The following BRIP1 variants were observed in gnomAD, a reference collection of about 807,000 sequenced individuals.
BRIP1 encodes BRCA1 interacting DNA helicase 1.
In BRIP1, 88 loss-of-function variants were observed where a neutral mutation model predicts 119.7. The observed-to-expected ratio is 0.74, with a 90% CI of 0.62 to 0.88. The LOEUF is 0.88. BRIP1 is among the 40% of genes least tolerant of loss of function. The probability of loss-of-function intolerance (pLI) is 0.00; values close to 1 mark genes in which losing one functional copy is unlikely to be tolerated. For missense variants in BRIP1, 1,259 were observed against 1,455.4 expected, an observed-to-expected ratio of 0.87 and a Z score of 2.20; for synonymous variants, 443 against 496.5, an observed-to-expected ratio of 0.89 and a Z score of 1.43.
In BRIP1 at chr17:61,742,783, G is replaced by C. The variant is rs76111733; in HGVS notation, c.2379+230C>G. On this transcript the variant is annotated intron_variant, in intron 16 of 19. Transcript: ENST00000259008. This position sits in a 1 kb window ranked among gnomAD's most constrained non-coding sequence, Gnocchi z 4.7. ...CCTAACAGTATAATAATAATGAAAA[G>C]GTTTGAAATATCGTGAGAATTAACC... 0.033 allele frequency among the ~76,000 whole-genome samples: 5,025 copies of C among 152,134 alleles called. 321 individuals are homozygous for C. The highest frequency in any genetic ancestry group is 0.11 in the African/African-American group (4,769 of 41,484).
chr17:61,732,696 A>AT lies in BRIP1; in HGVS notation c.2379+10316dup, dbSNP rs539570210. On this transcript the variant is annotated intron_variant, in intron 16 of 19. Transcript: ENST00000259008. ...TGACAAAACATTCAATATCATTAAC[A>AT]TTTTTTTTTTTTTGAGACAGTGTCT... 9.5e-3 allele frequency among the ~76,000 whole-genome samples: 1,385 copies of AT among 146,338 alleles called. 22 individuals are homozygous for AT. The highest frequency in any genetic ancestry group is 0.031 in the African/African-American group (1,227 of 40,172).
At position 61,846,458 on chromosome 17, in the gene BRIP1, G is replaced by T. The variant is rs2145735696; in HGVS notation, c.627+643C>A. ...TGGAGTGCAGTGTGGTGCAATCTTG[G>T]CTCAGTGCACCTTTGCCTCCTGGGC... is the stretch of plus-strand genomic sequence containing the variant. On this transcript the variant is annotated intron_variant, in intron 6 of 19. Coordinates refer to ENST00000259008, the MANE Select transcript of BRIP1 (RefSeq NM_032043.3). The surrounding 1 kb of genome is among the most constrained non-coding windows in gnomAD (Gnocchi z 4.3). Among the ~76,000 whole-genome samples the T allele has an allele frequency of 6.6e-6, 1 of 151,826 alleles. No individual in the cohort carries two copies. Among genetic ancestry groups the T allele is most frequent in the Admixed American group, 6.6e-5 (1 of 15,248 alleles).
In BRIP1 at chr17:61,805,899, G is replaced by T. The variant is rs1417900586; in HGVS notation, c.918+2568C>A. ...TTAAGTCTCATTTTAACCAAAAAAA[G>T]ATATATATCTAAAATAATATTTCAG... On this transcript the variant is annotated intron_variant, in intron 7 of 19. Coordinates refer to ENST00000259008, the MANE Select transcript of BRIP1 (RefSeq NM_032043.3). This position sits in a 1 kb window ranked among gnomAD's most constrained non-coding sequence, Gnocchi z 5.6. Among the ~76,000 whole-genome samples, 3 of 152,072 alleles carry T rather than the reference G, an allele frequency of 2.0e-5. No homozygotes were observed. The highest frequency in any genetic ancestry group is 7.2e-5 in the African/African-American group (3 of 41,410).
In BRIP1 at chr17:61,742,631, T is replaced by C. The variant is rs2077001026; in HGVS notation, c.2379+382A>G. Among the ~76,000 whole-genome samples, 1 of 151,998 alleles carries C rather than the reference T, an allele frequency of 6.6e-6. No homozygotes were observed. On this transcript the variant is annotated intron_variant, in intron 16 of 19. Coordinates refer to ENST00000259008, the MANE Select transcript of BRIP1 (RefSeq NM_032043.3). This position sits in a 1 kb window ranked among gnomAD's most constrained non-coding sequence, Gnocchi z 4.7. ...CAAGGAGAGAGAAATGGGGGAAGGG[T>C]AGTCAGTGGAGCAGTTAGAATACAT... is the stretch of plus-strand genomic sequence containing the variant.
At position 61,844,177 on chromosome 17, in the gene BRIP1, C is replaced by T. The variant is rs888271197; in HGVS notation, c.627+2924G>A. Among the ~76,000 whole-genome samples the T allele has an allele frequency of 4.6e-5, 7 of 152,156 alleles. No individual in the cohort carries two copies. In the South Asian group the frequency reaches 6.2e-4, roughly 14 times the overall value. On this transcript the variant is annotated intron_variant, in intron 6 of 19. Coordinates refer to ENST00000259008, the MANE Select transcript of BRIP1 (RefSeq NM_032043.3). This position sits in a 1 kb window ranked among gnomAD's most constrained non-coding sequence, Gnocchi z 4.7. ...CTCCTGACCTCAAGCAATCCTCTCA[C>T]CTTGGCCTCCCAAAGTGCTGAGATT...
In BRIP1 at chr17:61,680,141, G is replaced by A. The variant is rs920239232; in HGVS notation, c.*3155C>T. Reference sequence around the variant, plus strand: ...GCAGATCACTTGAGGTCAGGAGTTTGAGACCAGCCTGGCCAACATGGTGAA... The same window carrying A: ...GCAGATCACTTGAGGTCAGGAGTTTAAGACCAGCCTGGCCAACATGGTGAA... On this transcript the variant is annotated 3_prime_UTR_variant, in exon 20 of 20. Coordinates refer to ENST00000259008, the MANE Select transcript of BRIP1 (RefSeq NM_032043.3). Among the ~76,000 whole-genome samples, 2 of 149,084 alleles carry A rather than the reference G, an allele frequency of 1.3e-5. No homozygotes were observed. Among genetic ancestry groups the A allele is most frequent in the East Asian group, 2.0e-4 (1 of 5,030 alleles).
At position 61,693,558 on chromosome 17, in the gene BRIP1, A is replaced by C. The variant is rs977435272; in HGVS notation, c.2493-46T>G. 6.0e-6 allele frequency: 9 copies of C among 1,512,182 alleles called. No individual in the cohort carries two copies. Among genetic ancestry groups the C allele is most frequent in the Non-Finnish European group, 8.3e-6 (9 of 1,088,624 alleles). The allele number at this position is 1,512,182 out of a possible 1,614,324, so 93.7% of individuals were successfully genotyped here. ...GTCAAATAATTATAACATCGGAAAT[A>C]AATCCAGTTTTCCAGTGGGACAGAC... On this transcript the variant is annotated intron_variant, in intron 17 of 19. Transcript: ENST00000259008. This position sits in a 1 kb window ranked among gnomAD's most constrained non-coding sequence, Gnocchi z 4.2.
intron 10 of BRIP1, among the ~76,000 whole-genome samples, chr17:61,790,747 C>T (rs1453394021): frequency 1.3e-5 from 2 of 151,754 alleles, no homozygotes; most frequent in Non-Finnish European, 2.9e-5. Flanking sequence ...TCAGGTGATC[C>T]TCCTGCCTCA....
Position 61,811,474 on chromosome 17 carries a change from C to T in BRIP1, c.628-2717G>A, listed in dbSNP as rs769991323. On this transcript the variant is annotated intron_variant, in intron 6 of 19. Coordinates refer to ENST00000259008, the MANE Select transcript of BRIP1 (RefSeq NM_032043.3). ...CCGAAATCAGGTGATCCGCCTGCAT[C>T]GGCCTCCCGAAGTGCTGGGATTACA... is the stretch of plus-strand genomic sequence containing the variant. Among the ~76,000 whole-genome samples the T allele has an allele frequency of 5.3e-5, 8 of 151,950 alleles. No homozygotes were observed. In the South Asian group the frequency reaches 6.3e-4, roughly 12 times the overall value.
chr17:61,836,322 C>A (rs1003584528), intron 6 of BRIP1, among the ~76,000 whole-genome samples: 2 of 151,876 alleles, frequency 1.3e-5, no homozygotes, highest in African/African-American at 4.8e-5. Flanking sequence ...TGCTATGTTG[C>A]CCAGGCTGAT....
At chr17:61,817,882 G>T (rs2078260893) in intron 6 of BRIP1, among the ~76,000 whole-genome samples, 1 of 152,138 alleles carries the variant, frequency 6.6e-6, no homozygotes, top group Admixed American at 6.5e-5. Flanking sequence ...GGTTCTGCAG[G>T]TTGCAGCTCA....
rs2077159940 is a variant in BRIP1 at position 61,753,492 on chromosome 17, G to T, written c.2098-8901C>A. Among the ~76,000 whole-genome samples, 1 of 152,038 alleles carries T rather than the reference G, an allele frequency of 6.6e-6. No homozygotes were observed. The highest frequency in any genetic ancestry group is 2.4e-5 in the African/African-American group (1 of 41,394). On this transcript the variant is annotated intron_variant, in intron 14 of 19. Transcript: ENST00000259008. This position sits in a 1 kb window ranked among gnomAD's most constrained non-coding sequence, Gnocchi z 4.6. ...AAGTCAGAATTTAATTATATATTAG[G>T]AAAGCATGACAAAAGATAAAACTAA...
At chr17:61,800,337 T>C (rs1024592350) in intron 8 of BRIP1, among the ~76,000 whole-genome samples, 2 of 151,924 alleles carry the variant, frequency 1.3e-5, no homozygotes, top group Non-Finnish European at 2.9e-5. Flanking sequence ...GAGTAGGAAA[T>C]ATATTGGGGT....
At chr17:61,697,812 A>ATT (rs377661269) in intron 17 of BRIP1, among the ~76,000 whole-genome samples, 4 of 142,938 alleles carry the variant, frequency 2.8e-5, no homozygotes, top group African/African-American at 7.7e-5. Flanking sequence ...TGTTTACAGT[A>ATT]TTTTTTTTTT....
rs1555573247 is a variant in BRIP1, at chr17:61,685,833, T to C, written c.2905+3A>G. 1 of 1,603,334 alleles carries C rather than the reference T, an allele frequency of 6.2e-7. No individual in the cohort carries two copies. On this transcript the variant is annotated splice_donor_region_variant and intron_variant, in intron 19 of 19. Coordinates refer to ENST00000259008, the MANE Select transcript of BRIP1 (RefSeq NM_032043.3). Reference sequence around the variant, plus strand: ...AAAGGTAAATGGGAAGAACTTTTCATACTTTTCTCCTTTCTGGAGATAATG... The same window carrying C: ...AAAGGTAAATGGGAAGAACTTTTCACACTTTTCTCCTTTCTGGAGATAATG...
chr17:61,689,508 A>G lies in BRIP1; in HGVS notation c.2576-3343T>C, dbSNP rs965886816. ...AAAGAGAGAAAGGAGCAGAAAGCTT[A>G]TTTATAGAAATAATGACCGAAAACT... On this transcript the variant is annotated intron_variant, in intron 18 of 19. Transcript: ENST00000259008. This position sits in a 1 kb window ranked among gnomAD's most constrained non-coding sequence, Gnocchi z 4.5. 3.3e-5 allele frequency among the ~76,000 whole-genome samples: 5 copies of G among 152,206 alleles called. No homozygotes were observed. The highest frequency in any genetic ancestry group is 1.2e-4 in the African/African-American group (5 of 41,446).
chr17:61,685,735 C>G, intron 19 of BRIP1, 101 bp downstream of exon 19: 1 of 1,081,424 alleles, frequency 9.2e-7, no homozygotes, highest in East Asian at 2.4e-5. Context: ...TATTACAAAC[C>G]ACCATATTTA....
intron 17 of BRIP1, among the ~76,000 whole-genome samples, chr17:61,698,328 T>C (rs1272994617): frequency 6.6e-6 from 1 of 152,252 alleles, no homozygotes; most frequent in Non-Finnish European, 1.5e-5. Context: ...GTTTATTTCA[T>C]TGTAGTCAGA....
rs947599119 is a variant in BRIP1 at position 61,824,347 on chromosome 17, G to A, written c.628-15590C>T. On this transcript the variant is annotated intron_variant, in intron 6 of 19. Coordinates refer to ENST00000259008, the MANE Select transcript of BRIP1 (RefSeq NM_032043.3). This position sits in a 1 kb window ranked among gnomAD's most constrained non-coding sequence, Gnocchi z 4.3. ...TTCACATGGATTCTCAAGGAACCCC[G>A]AATAACCACAATAATCTTGAAAAAG... Among the ~76,000 whole-genome samples, 3 of 152,068 alleles carry A rather than the reference G, an allele frequency of 2.0e-5. No homozygotes were observed. The highest frequency in any genetic ancestry group is 4.8e-5 in the African/African-American group (2 of 41,398).
Sources: allele counts gnomAD v4.1 joint callset (sites outside exome capture counted in the v4.1 genomes callset), GRCh38; gene constraint gnomAD v4.1.1; non-coding constraint Gnocchi (gnomAD v3.1); transcripts MANE v1.5; gene names NCBI Gene and HGNC (gene_info 2026-07-23, HGNC 2026-07-21).